SRRM4: variants seen among roughly 807,000 people sequenced by gnomAD.
The protein encoded by SRRM4 is serine/arginine repetitive matrix protein 4.
Under a neutral mutation model 68.9 loss-of-function variants are expected in SRRM4, and 33 were observed. That is an observed-to-expected ratio of 0.48 (90% confidence interval 0.36 to 0.64). The LOEUF is 0.64. Ranked by LOEUF, SRRM4 falls within the 30% of genes least tolerant of loss-of-function variation. SRRM4 has a pLI of 0.00. For missense variants in SRRM4, 817 were observed against 827.1 expected (o/e 0.99, Z 0.15); for synonymous variants, 318 against 318.8 (o/e 1.00, Z 0.03).
chr12:119,071,602 T>C (rs527374726), intron 1 of SRRM4, among the ~76,000 whole-genome samples: 3 of 152,204 alleles, frequency 2.0e-5, no homozygotes, highest in Admixed American at 6.5e-5. Context: ...TCACCCTCCA[T>C]TAAGACACAA....
Position 119,016,548 on chromosome 12 carries a change from A to G in SRRM4, c.131+34535A>G, listed in dbSNP as rs749341547. 4.3e-4 allele frequency among the ~76,000 whole-genome samples: 65 copies of G among 152,172 alleles called. 1 individual carries two copies. Among genetic ancestry groups the G allele is most frequent in the South Asian group, 2.1e-4 (1 of 4,820 alleles). On this transcript the variant is annotated intron_variant, in intron 1 of 12. Coordinates refer to ENST00000267260, the MANE Select transcript of SRRM4 (RefSeq NM_194286.4). The stretch of plus-strand genomic sequence containing the variant: ...AAGAATTATGAAAACCATATAACAT[A>G]GACTTTGTATTTTCCCTTTGTCTAC...
intron 4 of SRRM4, among the ~76,000 whole-genome samples, chr12:119,118,655 T>C (rs929668436): frequency 3.9e-5 from 6 of 152,370 alleles, no homozygotes; most frequent in South Asian, 2.1e-4. Context: ...CCCACACTTA[T>C]GATTCTAGAT....
At chr12:119,004,007 A>G (rs1953401125) in intron 1 of SRRM4, among the ~76,000 whole-genome samples, 1 of 152,108 alleles carries the variant, frequency 6.6e-6, no homozygotes, top group Admixed American at 6.5e-5. Flanking sequence ...TTATTTAATT[A>G]ATAAAAATTA....
intron 1 of SRRM4, among the ~76,000 whole-genome samples, chr12:119,092,355 C>G (rs1424079283): frequency 1.3e-5 from 2 of 152,296 alleles, no homozygotes; most frequent in Admixed American, 1.3e-4. Context: ...CATGTACCCA[C>G]TTGCCCACTT....
Position 119,101,664 on chromosome 12 carries a change from C to T in SRRM4, c.132-572C>T, listed in dbSNP as rs117016774. On this transcript the variant is annotated intron_variant, in intron 1 of 12. Coordinates refer to ENST00000267260, the MANE Select transcript of SRRM4 (RefSeq NM_194286.4). ...GAGATGTTGTGACTGGACCCAGATACTATAGCTACTAAATAGTTAAGACCA... is the reference window on the plus strand; with the variant it reads ...GAGATGTTGTGACTGGACCCAGATATTATAGCTACTAAATAGTTAAGACCA... Among the ~76,000 whole-genome samples, 695 of 152,196 alleles carry T rather than the reference C, an allele frequency of 4.6e-3. 10 individuals are homozygous for T. The highest frequency in any genetic ancestry group is 0.044 in the South Asian group (210 of 4,824).
At chr12:119,067,504 C>T (rs1213492362) in intron 1 of SRRM4, among the ~76,000 whole-genome samples, 1 of 152,052 alleles carries the variant, frequency 6.6e-6, no homozygotes, top group African/African-American at 2.4e-5. Context: ...GTCAGGAGTT[C>T]AAGACCAGCC....
At chr12:119,114,402 C>A in intron 3 of SRRM4, 38 bp downstream of exon 3, 1 of 1,525,022 alleles carries the variant, frequency 6.6e-7, no homozygotes, top group Non-Finnish European at 9.0e-7. Flanking sequence ...CTGTAAGATG[C>A]AGGCAGGGAC....
intron 1 of SRRM4, among the ~76,000 whole-genome samples, chr12:118,987,465 A>G (rs1953289923): frequency 6.6e-6 from 1 of 152,186 alleles, no homozygotes; most frequent in Non-Finnish European, 1.5e-5. Flanking sequence ...GGTGCTCCCT[A>G]AAGAGCCACT....
At chr12:119,026,148 A>G (rs2136003876) in intron 1 of SRRM4, among the ~76,000 whole-genome samples, 1 of 152,162 alleles carries the variant, frequency 6.6e-6, no homozygotes, top group East Asian at 1.9e-4. Flanking sequence ...GAGAATGGAA[A>G]GCCACAGAAG....
chr12:119,053,337 T>C (rs1374163943), intron 1 of SRRM4, among the ~76,000 whole-genome samples: 2 of 152,184 alleles, frequency 1.3e-5, no homozygotes, highest in Non-Finnish European at 2.9e-5. Context: ...AGTAAGCCAA[T>C]TGCAAAAATA....
Position 119,154,152 on chromosome 12 carries a change from TG to T in SRRM4, c.1392-88del, listed in dbSNP as rs1954457318. 2 of 1,227,914 alleles carry T rather than the reference TG, an allele frequency of 1.6e-6. No individual in the cohort carries two copies. The highest frequency in any genetic ancestry group is 2.3e-6 in the Non-Finnish European group (2 of 869,814). The allele number at this position is 1,227,914 out of a possible 1,614,324, so 76.1% of individuals were successfully genotyped here. A position where few individuals can be genotyped will look rare whatever the true frequency, so the allele number is the denominator to read the frequency against. On this transcript the variant is annotated intron_variant, in intron 11 of 12. Transcript: ENST00000267260. This position sits in a 1 kb window ranked among gnomAD's most constrained non-coding sequence, Gnocchi z 4.7. ...GACCCCATCCCGTGACCCAGTGGGG[TG>T]GGAAAGAAAGGGAGTGTCCCTCTCC...
In SRRM4 at chr12:119,156,672, T is replaced by TAGCTCCCGCAGCCCTAGTCCG. The variant is rs1565921500; in HGVS notation, c.1711_1731dup (p.Ser571_Pro577dup). The TAGCTCCCGCAGCCCTAGTCCG allele has an allele frequency of 6.4e-7, 1 of 1,560,822 alleles. No homozygotes were observed. The highest frequency in any genetic ancestry group is 1.9e-5 in the Admixed American group (1 of 52,672). On this transcript the variant is annotated inframe_insertion, in exon 13 of 13. Transcript: ENST00000267260. ...GCCGGACCCGCACGAGCAGCAGCTC[T>TAGCTCCCGCAGCCCTAGTCCG]AGCTCCCGCAGCCCTAGTCCGGGCT...
At chr12:119,060,349 T>C (rs1483919289) in intron 1 of SRRM4, among the ~76,000 whole-genome samples, 1 of 150,532 alleles carries the variant, frequency 6.6e-6, no homozygotes, top group African/African-American at 2.4e-5. Context: ...TCTATTGATA[T>C]GCCACTCCTA....
chr12:119,040,955 C>G (rs760201003), intron 1 of SRRM4, among the ~76,000 whole-genome samples: 8 of 151,816 alleles, frequency 5.3e-5, no homozygotes, highest in Non-Finnish European at 1.0e-4. Context: ...TGGGGTTTCA[C>G]CATGCTGGCC....
At chr12:119,046,348 A>G (rs1953707372) in intron 1 of SRRM4, among the ~76,000 whole-genome samples, 1 of 152,126 alleles carries the variant, frequency 6.6e-6, no homozygotes, top group South Asian at 2.1e-4. Context: ...AGAATCCGGG[A>G]GCTAGAAGGG....
chr12:119,111,059 G>A (rs1954140148), intron 2 of SRRM4, among the ~76,000 whole-genome samples: 1 of 152,180 alleles, frequency 6.6e-6, no homozygotes, highest in Admixed American at 6.5e-5. Flanking sequence ...CCCAAGGTGT[G>A]CTTAACTACC....
At chr12:119,040,160 CA>C (rs1196838371) in intron 1 of SRRM4, among the ~76,000 whole-genome samples, 4 of 151,982 alleles carry the variant, frequency 2.6e-5, no homozygotes, top group Non-Finnish European at 5.9e-5. Flanking sequence ...ACAATAAGAA[CA>C]ATAATAATAA....
rs1001429598 is a variant in SRRM4, at chr12:119,018,042, G to T, written c.131+36029G>T. 2.0e-5 allele frequency among the ~76,000 whole-genome samples: 3 copies of T among 152,112 alleles called. 1 individual carries two copies. The highest frequency in any genetic ancestry group is 2.0e-4 in the Admixed American group (3 of 15,274). On this transcript the variant is annotated intron_variant, in intron 1 of 12. Coordinates refer to ENST00000267260, the MANE Select transcript of SRRM4 (RefSeq NM_194286.4). ...TTAAATAAAACAATGTCAATAAAAG[G>T]CTTGACACAGAGTTGTTGTCAAGCA...
intron 1 of SRRM4, among the ~76,000 whole-genome samples, chr12:119,075,743 ATGG>A (rs1423456222): frequency 6.8e-6 from 1 of 146,736 alleles, no homozygotes; most frequent in African/African-American, 2.5e-5. Context: ...GGTGATGATG[ATGG>A]TGGTAATGAT....
Sources: gnomAD v4.1 joint callset for allele counts (sites outside exome capture counted in the v4.1 genomes callset) on GRCh38, gnomAD v4.1.1 for gene constraint, Gnocchi (gnomAD v3.1) non-coding constraint, MANE v1.5 for transcripts, NCBI Gene and HGNC (gene_info 2026-07-23, HGNC 2026-07-21) for gene names.